LRSAM1: variants seen among roughly 807,000 people sequenced by gnomAD.
LRSAM1 encodes the protein E3 ubiquitin-protein ligase LRSAM1.
LRSAM1 carries 96 observed loss-of-function variants against 118.1 expected under a neutral mutation model. The observed-to-expected ratio is 0.81, with a 90% CI of 0.69 to 0.96. The LOEUF (loss-of-function observed/expected upper bound fraction) is 0.96, where lower values mean the gene tolerates loss of function less well. Ranked by LOEUF, LRSAM1 falls within the 40% of genes least tolerant of loss-of-function variation. The pLI is 0.00. For missense variants in LRSAM1, 804 were observed against 915.5 expected, an observed-to-expected ratio of 0.88 and a Z score of 1.57; for synonymous variants, 322 against 364.2, an observed-to-expected ratio of 0.88 and a Z score of 1.32.
intron 24 of LRSAM1, among the ~76,000 whole-genome samples, chr9:127,498,909 A>C (rs1385162200): frequency 1.3e-5 from 2 of 151,726 alleles, no homozygotes; most frequent in Non-Finnish European, 2.9e-5. Flanking sequence ...AAATACAAAA[A>C]TTAGCCAGGC....
rs1418451198 is a variant in LRSAM1, at chr9:127,465,618, C to T, written c.529-2122C>T. ...AGTCTCCCACTCCCTGTGCAAAGCA[C>T]GTTCACTCAACACCCACCGTGTGAG... On this transcript the variant is annotated intron_variant, in intron 9 of 25. Coordinates refer to ENST00000300417, the MANE Select transcript of LRSAM1 (RefSeq NM_001005373.4). The surrounding 1 kb of genome is among the most constrained non-coding windows in gnomAD (Gnocchi z 4.1). Among the ~76,000 whole-genome samples, 2 of 152,220 alleles carry T rather than the reference C, an allele frequency of 1.3e-5. No individual in the cohort carries two copies. Among genetic ancestry groups the T allele is most frequent in the Admixed American group, 1.3e-4 (2 of 15,284 alleles).
In LRSAM1 at chr9:127,492,813, G is replaced by A. The variant is rs140066362; in HGVS notation, c.1515G>A (p.Ser505=). The change falls in exon 21 of 26, where the codon TCG becomes TCA. Residue 505 remains serine (S), a synonymous_variant. Coordinates refer to ENST00000300417, the MANE Select transcript of LRSAM1 (RefSeq NM_001005373.4). ...LDTESLQEMI[S]EQRWALSSLL... ...GGTCTTGTTCGCAGGAGATGATCTC[G>A]GAGCAGCGCTGGGCCCTCAGCTCCC... 123 of 1,613,806 alleles carry A rather than the reference G, an allele frequency of 7.6e-5. No homozygotes were observed. Among genetic ancestry groups the A allele is most frequent in the African/African-American group, 4.1e-4 (31 of 75,070 alleles).
At chr9:127,497,022 C>T (rs1448413219) in intron 23 of LRSAM1, among the ~76,000 whole-genome samples, 10 of 152,262 alleles carry the variant, frequency 6.6e-5, no homozygotes, top group Non-Finnish European at 1.2e-4. Context: ...TCAGTTTCCC[C>T]CCAACCCCTG....
intron 25 of LRSAM1, among the ~76,000 whole-genome samples, chr9:127,501,443 A>C (rs1460535522): frequency 6.6e-6 from 1 of 152,176 alleles, no homozygotes; most frequent in African/African-American, 2.4e-5. Flanking sequence ...TTAGAAAATC[A>C]TCTTTTGGCC....
intron 20 of LRSAM1, 94 bp from the exon 21 acceptor site, chr9:127,492,708 T>A (rs946752345): frequency 7.5e-5 from 87 of 1,163,530 alleles, no homozygotes; most frequent in Non-Finnish European, 1.6e-5. Flanking sequence ...GAGAACCGAG[T>A]GAGCGGGAGG....
intron 19 of LRSAM1, among the ~76,000 whole-genome samples, chr9:127,489,957 G>T (rs1835873159): frequency 1.3e-5 from 2 of 152,244 alleles, no homozygotes; most frequent in African/African-American, 4.8e-5. Flanking sequence ...AGGGCAGGGG[G>T]AGCTGTGAGC....
intron 10 of LRSAM1, among the ~76,000 whole-genome samples, chr9:127,470,187 G>A (rs1588111000): frequency 1.3e-5 from 2 of 151,982 alleles, no homozygotes; most frequent in East Asian, 3.8e-4. Context: ...ACACCGCTAT[G>A]AAGAAATTCC....
At position 127,467,755 on chromosome 9, in the gene LRSAM1, G is replaced by A. The variant is rs780636250; in HGVS notation, c.544G>A (p.Ala182Thr). The change falls in exon 10 of 26, where the codon GCC becomes ACC. Residue 182 changes from alanine (A) to threonine (T), a missense_variant. Coordinates refer to ENST00000300417, the MANE Select transcript of LRSAM1 (RefSeq NM_001005373.4). ...VRTLEMLSLDASAMVYPPREV... is the reference protein window; with the variant it reads ...VRTLEMLSLDTSAMVYPPREV... ...GTGTCTGCAGATGCTGAGCCTTGACGCCTCGGCCATGGTCTACCCGCCGCG... is the reference window on the plus strand; with the variant it reads ...GTGTCTGCAGATGCTGAGCCTTGACACCTCGGCCATGGTCTACCCGCCGCG... The A allele has an allele frequency of 1.2e-5, 20 of 1,610,310 alleles. No homozygotes were observed. Among genetic ancestry groups the A allele is most frequent in the South Asian group, 5.5e-5 (5 of 90,264 alleles).
intron 19 of LRSAM1, among the ~76,000 whole-genome samples, chr9:127,490,091 G>GCTAT (rs67841124): frequency 0.43 from 65,519 of 151,614 alleles, 14,903 homozygotes; most frequent in Non-Finnish European, 0.5. Context: ...TGACCTTCAA[G>GCTAT]CCTTGGGCAA....
At chr9:127,460,173 A>G (rs2243663) in intron 7 of LRSAM1, among the ~76,000 whole-genome samples, 91,770 of 151,812 alleles carry the variant, frequency 0.6, 28,059 homozygotes, top group African/African-American at 0.63. Context: ...CTAATTTTTT[A>G]TATTTTAGTA....
chr9:127,460,385 C>T (rs1421237554), intron 7 of LRSAM1, among the ~76,000 whole-genome samples: 4 of 152,196 alleles, frequency 2.6e-5, no homozygotes, highest in South Asian at 2.1e-4. Context: ...AGCACAGCTT[C>T]GGAATCCAAC....
chr9:127,492,798 G>T lies in LRSAM1; in HGVS notation c.1504-4G>T. On this transcript the variant is annotated splice_polypyrimidine_tract_variant and splice_region_variant and intron_variant, in intron 20 of 25. Transcript: ENST00000300417. Reference sequence around the variant, plus strand: ...GGTGGTGCGGGGTGTGGTCTTGTTCGCAGGAGATGATCTCGGAGCAGCGCT... The same window carrying T: ...GGTGGTGCGGGGTGTGGTCTTGTTCTCAGGAGATGATCTCGGAGCAGCGCT... 6.2e-7 allele frequency: 1 copy of T among 1,613,406 alleles called. No homozygotes were observed.
chr9:127,454,618 C>T lies in LRSAM1; in HGVS notation c.72+19C>T. 6.2e-7 allele frequency: 1 copy of T among 1,612,590 alleles called. No individual in the cohort carries two copies. The highest frequency in any genetic ancestry group is 8.5e-7 in the Non-Finnish European group (1 of 1,179,310). Reference sequence around the variant, plus strand: ...GTGTTTGGTGAGGGAAAGTGGGTTTCCTCTAACTCTATCCCATCTCCTCCT... The same window carrying T: ...GTGTTTGGTGAGGGAAAGTGGGTTTTCTCTAACTCTATCCCATCTCCTCCT... On this transcript the variant is annotated intron_variant, in intron 3 of 25. Transcript: ENST00000300417.
chr9:127,451,522 C>A lies in LRSAM1; in HGVS notation c.-336C>A. 1 of 619,396 alleles carries A rather than the reference C, an allele frequency of 1.6e-6. No individual in the cohort carries two copies. The highest frequency in any genetic ancestry group is 2.8e-6 in the Non-Finnish European group (1 of 356,174). The allele number at this position is 619,396 out of a possible 1,614,324, so 38.4% of individuals were successfully genotyped here. On this transcript the variant is annotated 5_prime_UTR_variant, in exon 1 of 26. Coordinates refer to ENST00000300417, the MANE Select transcript of LRSAM1 (RefSeq NM_001005373.4). ...TGTCGCCATGTTTGTTGTGGGCAGGCGCCTGAGGCTGACGGCTGGCAAGCA... is the reference window on the plus strand; with the variant it reads ...TGTCGCCATGTTTGTTGTGGGCAGGAGCCTGAGGCTGACGGCTGGCAAGCA...
intron 17 of LRSAM1, chr9:127,487,405 G>A (rs1835772572): frequency 4.9e-6 from 2 of 412,122 alleles, no homozygotes; most frequent in Admixed American, 3.4e-5. Flanking sequence ...CTTCCGGGGG[G>A]TGCTGGGGAG....
At chr9:127,470,856 C>G (rs1835139375) in intron 10 of LRSAM1, 2 of 152,076 alleles carry the variant, frequency 1.3e-5, no homozygotes, top group Non-Finnish European at 2.9e-5. Context: ...TCATCAAGCT[C>G]TGCATGAAGA....
chr9:127,457,999 G>A (rs1213744456), intron 6 of LRSAM1, among the ~76,000 whole-genome samples: 8 of 150,466 alleles, frequency 5.3e-5, no homozygotes, highest in Non-Finnish European at 8.9e-5. Context: ...TTGCACCTGA[G>A]TTTGGTTGAA....
intron 23 of LRSAM1, among the ~76,000 whole-genome samples, chr9:127,496,750 C>G (rs1836161352): frequency 6.6e-6 from 1 of 152,182 alleles, no homozygotes; most frequent in Non-Finnish European, 1.5e-5. Flanking sequence ...TCATGAGACT[C>G]TCCTGCCCCT....
intron 24 of LRSAM1, 102 bp from the exon 25 acceptor site, chr9:127,500,908 C>T: frequency 1.3e-6 from 2 of 1,545,220 alleles, no homozygotes; most frequent in Non-Finnish European, 1.8e-6. Context: ...CCCCCACCCT[C>T]CAGCTCACTC....
Sources: allele counts gnomAD v4.1 joint callset (sites outside exome capture counted in the v4.1 genomes callset), GRCh38; gene constraint gnomAD v4.1.1; non-coding constraint Gnocchi (gnomAD v3.1); transcripts MANE v1.5; gene names NCBI Gene and HGNC (gene_info 2026-07-23, HGNC 2026-07-21).